The following COPG2 variants were observed in gnomAD, a reference collection of about 807,000 sequenced individuals.
The protein encoded by COPG2 is coat protein complex I subunit gamma 2.
Under a neutral mutation model 46.3 loss-of-function variants are expected in COPG2, and 37 were observed. The ratio of observed to expected loss-of-function variants is 0.80; its 90% confidence interval spans 0.61 to 1.05. The LOEUF is 1.05. Among genes scored for constraint, COPG2 ranks in the 50% least tolerant of loss-of-function variants. The pLI is 0.00. For missense variants in COPG2, 427 were observed against 387.8 expected, an observed-to-expected ratio of 1.10 and a Z score of -0.85; for synonymous variants, 159 against 129.7, an observed-to-expected ratio of 1.23 and a Z score of -1.53.
chr7:130,512,859 G>A (rs1178308645), intron 20 of COPG2, among the ~76,000 whole-genome samples: 8 of 152,296 alleles, frequency 5.3e-5, no homozygotes, highest in African/African-American at 1.9e-4. Context: ...GCTATGTGAG[G>A]ATTGGCTAAA....
In COPG2 at chr7:130,507,645, C is replaced by T. The variant is rs375312571; in HGVS notation, c.2386+40G>A. 22 of 767,852 alleles carry T rather than the reference C, an allele frequency of 2.9e-5. No individual in the cohort carries two copies. In the African/African-American group the frequency reaches 3.3e-4, roughly 11 times the overall value. The allele number at this position is 767,852 out of a possible 1,614,324, so 47.6% of individuals were successfully genotyped here. ...ACAAATATGCCTGTTAGGTGTTATACTGTTATCAGGCAATATACTGATAGC... is the reference window on the plus strand; with the variant it reads ...ACAAATATGCCTGTTAGGTGTTATATTGTTATCAGGCAATATACTGATAGC... On this transcript the variant is annotated intron_variant, in intron 22 of 23. Coordinates refer to ENST00000425248, the MANE Select transcript of COPG2 (RefSeq NM_012133.6).
At chr7:130,651,929 C>A (rs1023342780) in intron 5 of COPG2, among the ~76,000 whole-genome samples, 1 of 152,102 alleles carries the variant, frequency 6.6e-6, no homozygotes, top group African/African-American at 2.4e-5. Flanking sequence ...GGATTACAGG[C>A]ATGAGCCACC....
At chr7:130,597,221 C>G (rs1229973402) in intron 9 of COPG2, among the ~76,000 whole-genome samples, 3 of 152,192 alleles carry the variant, frequency 2.0e-5, no homozygotes, top group African/African-American at 7.2e-5. Flanking sequence ...GCTAGGGTTG[C>G]CCACAGTGCA....
intron 5 of COPG2, among the ~76,000 whole-genome samples, chr7:130,651,716 C>T (rs7810475): frequency 0.15 from 22,695 of 150,502 alleles, 3,172 homozygotes; most frequent in African/African-American, 0.38. Flanking sequence ...CGGGGTTTCA[C>T]CTTGTTAGCC....
intron 9 of COPG2, chr7:130,610,161 T>A (rs898939571): frequency 3.9e-6 from 2 of 508,422 alleles, no homozygotes; most frequent in Admixed American, 4.1e-5. Context: ...AAAGGTGCAG[T>A]AGACACTGAT....
At chr7:130,539,455 G>T (rs1254852635) in intron 20 of COPG2, among the ~76,000 whole-genome samples, 2 of 152,204 alleles carry the variant, frequency 1.3e-5, no homozygotes, top group Non-Finnish European at 2.9e-5. Flanking sequence ...AACAGTTCTT[G>T]AAGAGAAGGT....
At chr7:130,601,866 AGAAGGAAG>A (rs1160335126) in intron 9 of COPG2, among the ~76,000 whole-genome samples, 1 of 148,232 alleles carries the variant, frequency 6.7e-6, no homozygotes, top group Admixed American at 6.7e-5. Context: ...AAGGAAGCAA[AGAAGGAAG>A]GAAGGAAGCA....
At chr7:130,622,607 T>G (rs1343527990) in intron 5 of COPG2, among the ~76,000 whole-genome samples, 1 of 152,154 alleles carries the variant, frequency 6.6e-6, no homozygotes, top group Non-Finnish European at 1.5e-5. Context: ...TAAAGGAAGG[T>G]GAGTGGAACA....
At chr7:130,605,241 T>C (rs1554451057) in intron 9 of COPG2, 2 of 520,142 alleles carry the variant, frequency 3.8e-6, no homozygotes, top group South Asian at 1.4e-5. Flanking sequence ...CCATCTCTAA[T>C]CTGCTGTTAA....
chr7:130,636,553 T>A (rs1795341655), intron 5 of COPG2, among the ~76,000 whole-genome samples: 1 of 149,598 alleles, frequency 6.7e-6, no homozygotes, highest in East Asian at 1.9e-4. Context: ...TTTTTTTTTT[T>A]TTTTTTGCTT....
chr7:130,582,700 C>T (rs375492641), intron 9 of COPG2, among the ~76,000 whole-genome samples: 27,797 of 149,354 alleles, frequency 0.19, 2,407 homozygotes, highest in Middle Eastern at 0.25. Context: ...CATGAACAGA[C>T]ACTTCTCAAA....
At position 130,652,959 on chromosome 7, in the gene COPG2, AT is replaced by A; in HGVS notation, c.244-12del. On this transcript the variant is annotated splice_polypyrimidine_tract_variant and intron_variant, in intron 4 of 23. Transcript: ENST00000425248. ...TCTCCTCAATGTTTGCTGAAAAATCATTTATAAAAGGTAACAGATTATTGAT... is the reference window on the plus strand; with the variant it reads ...TCTCCTCAATGTTTGCTGAAAAATCATTATAAAAGGTAACAGATTATTGAT... 1 of 1,564,950 alleles carries A rather than the reference AT, an allele frequency of 6.4e-7. No individual in the cohort carries two copies. The highest frequency in any genetic ancestry group is 8.7e-7 in the Non-Finnish European group (1 of 1,142,996).
At chr7:130,605,846 C>G in intron 9 of COPG2, 1 of 501,254 alleles carries the variant, frequency 2.0e-6, no homozygotes, top group Non-Finnish European at 4.0e-6. Context: ...ATAAATGGAT[C>G]TTGTTGTAAG....
intron 6 of COPG2, 97 bp from the exon 7 acceptor site, chr7:130,613,733 T>C: frequency 1.3e-6 from 1 of 781,802 alleles, no homozygotes; most frequent in Non-Finnish European, 2.1e-6. Flanking sequence ...CAATCTTATA[T>C]TTGTTTCTGT....
At chr7:130,522,195 C>A (rs1271559866) in intron 20 of COPG2, among the ~76,000 whole-genome samples, 1 of 152,130 alleles carries the variant, frequency 6.6e-6, no homozygotes, top group African/African-American at 2.4e-5. Flanking sequence ...GCCAAATGAG[C>A]TTCCAGGTAG....
chr7:130,559,972 C>A (rs1434864824), intron 12 of COPG2, among the ~76,000 whole-genome samples: 3 of 152,076 alleles, frequency 2.0e-5, no homozygotes, highest in African/African-American at 7.2e-5. Flanking sequence ...CTCTGACATA[C>A]TCTCACCAGT....
chr7:130,610,691 T>C (rs1794828714), intron 9 of COPG2: 4 of 603,100 alleles, frequency 6.6e-6, no homozygotes, highest in African/African-American at 1.8e-5. Flanking sequence ...ATTATCTATA[T>C]ATCTTATGAT....
intron 20 of COPG2, among the ~76,000 whole-genome samples, chr7:130,513,290 TAA>T (rs1205677638): frequency 0.059 from 1,181 of 20,062 alleles, 75 homozygotes; most frequent in Admixed American, 0.11. Flanking sequence ...TAATTCTGTC[TAA>T]AAAAAAAAAA....
intron 9 of COPG2, among the ~76,000 whole-genome samples, chr7:130,592,375 G>T (rs1483740930): frequency 5.3e-5 from 7 of 132,696 alleles, no homozygotes; most frequent in African/African-American, 2.1e-4. Context: ...CCCCCTCTGC[G>T]AGAAACACCC....
Sources: allele counts gnomAD v4.1 joint callset (sites outside exome capture counted in the v4.1 genomes callset), GRCh38; gene constraint gnomAD v4.1.1; transcripts MANE v1.5; gene names NCBI Gene and HGNC (gene_info 2026-07-23, HGNC 2026-07-21).